The following GNL3L variants were observed in gnomAD, a reference collection of about 807,000 sequenced individuals.
The protein encoded by GNL3L is G protein nucleolar 3 like.
Under a neutral mutation model 42.9 loss-of-function variants are expected in GNL3L, and 4 were observed. The ratio of observed to expected loss-of-function variants is 0.09; its 90% CI spans 0.05 to 0.21. The LOEUF (loss-of-function observed/expected upper bound fraction) is 0.21. GNL3L is among the 10% of genes least tolerant of loss of function. The pLI, the probability that GNL3L is intolerant of heterozygous loss-of-function variation, is 1.00. For synonymous variants in GNL3L, 159 were observed against 176.3 expected, an observed-to-expected ratio of 0.90 and a Z score of 0.78; for missense variants, 412 against 481.7, an observed-to-expected ratio of 0.86 and a Z score of 1.36.
At chrX:54,582,763 A>G (rs1423683311) in intron 16 of GNL3L, among the ~76,000 whole-genome samples, 1 of 111,239 alleles carries the variant, frequency 9.0e-6, no homozygotes, top group Non-Finnish European at 1.9e-5. Context: ...TCGTATTTTT[A>G]GTAGAGATGG....
At chrX:54,622,328 A>G (rs1378320174), downstream of GNL3L, among the ~76,000 whole-genome samples, 1 of 79,274 alleles carries the variant, frequency 1.3e-5, no homozygotes, top group African/African-American at 5.4e-5. Context: ...TCCGTCGCCC[A>G]GGCTGGAGGG....
chrX:54,637,963 T>C, the GNL3L span, among the ~76,000 whole-genome samples: 1 of 111,359 alleles, frequency 9.0e-6, no homozygotes, highest in East Asian at 2.8e-4. Context: ...TGGGGGTTCA[T>C]TTACTCTTCT....
Position 54,564,050 on chromosome X carries a change from G to C in GNL3L, c.*3448G>C, listed in dbSNP as rs909889774. The stretch of plus-strand genomic sequence containing the variant: ...CCCCTAAAACTCTCCAGGCCCTTTT[G>C]TAGTCAACTCCTACCCCCGACCCTC... On this transcript the variant is annotated 3_prime_UTR_variant, in exon 16 of 16. Transcript: ENST00000360845. Among the ~76,000 whole-genome samples, 1 of 109,363 alleles carries C rather than the reference G, an allele frequency of 9.1e-6. No individual in the cohort carries two copies. The highest frequency in any genetic ancestry group is 1.9e-5 in the Non-Finnish European group (1 of 52,683). 95.0% of individuals were successfully genotyped at this position (109,363 alleles called of 115,157 possible). A position where few individuals can be genotyped will look rare whatever the true frequency, so the allele number is the denominator to read the frequency against.
At chrX:54,640,953 T>A in the GNL3L span, among the ~76,000 whole-genome samples, 21 of 111,631 alleles carry the variant, frequency 1.9e-4, no homozygotes, top group Non-Finnish European at 1.1e-4. Context: ...GCAGCTCAGG[T>A]TTCAAGCTTG....
In GNL3L at chrX:54,532,505, C is replaced by T; in HGVS notation, c.-47-15C>T. On this transcript the variant is annotated splice_polypyrimidine_tract_variant and intron_variant, in intron 1 of 15. Transcript: ENST00000360845. ...CCCAGCTGTCTTCAAATTGCTTCTTCTCCCATTCTGACAGGAAGAGAGCAA... is the reference window on the plus strand; with the variant it reads ...CCCAGCTGTCTTCAAATTGCTTCTTTTCCCATTCTGACAGGAAGAGAGCAA... 1.0e-6 allele frequency: 1 copy of T among 977,134 alleles called. No individual in the cohort carries two copies. The highest frequency in any genetic ancestry group is 1.5e-6 in the Non-Finnish European group (1 of 683,397). The allele number at this position is 977,134 out of a possible 1,213,427, so 80.5% of individuals were successfully genotyped here.
At chrX:54,608,536 C>T (rs1218198742) in intron 16 of GNL3L, among the ~76,000 whole-genome samples, 1 of 107,868 alleles carries the variant, frequency 9.3e-6, no homozygotes, top group African/African-American at 3.4e-5. Context: ...CCCCAAAGTC[C>T]ATCGTATCAT....
At chrX:54,543,133 T>C in intron 6 of GNL3L, 74 bp from the exon 7 acceptor site, 1 of 1,140,785 alleles carries the variant, frequency 8.8e-7, no homozygotes, top group Non-Finnish European at 1.2e-6. Context: ...AGATGGAGAT[T>C]TTTGTTTCAC....
intron 16 of GNL3L, among the ~76,000 whole-genome samples, chrX:54,603,997 T>G (rs1204608758): frequency 9.0e-6 from 1 of 110,778 alleles, no homozygotes; most frequent in African/African-American, 3.3e-5. Context: ...ATTAGCCAAG[T>G]GTGGTGGCAC....
At chrX:54,604,007 C>T (rs1261454577) in intron 16 of GNL3L, among the ~76,000 whole-genome samples, 1 of 110,959 alleles carries the variant, frequency 9.0e-6, no homozygotes, top group Middle Eastern at 4.2e-3. Context: ...TGTGGTGGCA[C>T]ATGCCTGTAG....
chrX:54,554,343 T>C (rs924966123), intron 13 of GNL3L, among the ~76,000 whole-genome samples: 1 of 111,668 alleles, frequency 9.0e-6, no homozygotes, highest in African/African-American at 3.3e-5. Flanking sequence ...ATTTTCCACA[T>C]GAGGAAGCTG....
chrX:54,552,848 C>A (rs1924987712), intron 13 of GNL3L, among the ~76,000 whole-genome samples: 1 of 111,896 alleles, frequency 8.9e-6, no homozygotes, highest in South Asian at 3.7e-4. Flanking sequence ...GTACCCAAGT[C>A]ACAGAAAGCT....
chrX:54,639,449 G>A, the GNL3L span, among the ~76,000 whole-genome samples: 1 of 112,292 alleles, frequency 8.9e-6, no homozygotes, highest in Non-Finnish European at 1.9e-5. Context: ...AGCGCAGCTG[G>A]GTTATCTTGG....
At chrX:54,597,958 T>C (rs1925955143) in intron 16 of GNL3L, among the ~76,000 whole-genome samples, 1 of 110,915 alleles carries the variant, frequency 9.0e-6, no homozygotes, top group African/African-American at 3.3e-5. Flanking sequence ...CAGGACTGTT[T>C]TTGCTACCTT....
At chrX:54,590,770 T>A (rs1231295163) in intron 16 of GNL3L, among the ~76,000 whole-genome samples, 1 of 111,408 alleles carries the variant, frequency 9.0e-6, no homozygotes, top group African/African-American at 3.3e-5. Flanking sequence ...TATGTATTTA[T>A]TTATTTATTT....
In GNL3L at chrX:54,558,615, A is replaced by G; in HGVS notation, c.1626A>G (p.Ala542=). The change falls in exon 15 of 16, where the codon GCA becomes GCG. Residue 542 remains alanine, a synonymous_variant. Transcript: ENST00000360845. ...CCCTGCAACAGGGCCAGGCTCTGGC[A>G]TCTGCCCTGAAAAATAAGAAGAAGA... ...TDPLQQGQAL[A]SALKNKKKMQ... is the part of the protein sequence containing the mutation. 8.3e-7 allele frequency: 1 copy of G among 1,208,848 alleles called. No homozygotes were observed. The highest frequency in any genetic ancestry group is 1.1e-6 in the Non-Finnish European group (1 of 893,598).
downstream of GNL3L, among the ~76,000 whole-genome samples, chrX:54,570,967 A>G (rs373823194): frequency 2.4e-3 from 267 of 111,156 alleles, 6 homozygotes; most frequent in South Asian, 0.051. Context: ...ATAAGGTAGC[A>G]TTTTCTTTCT....
chrX:54,607,013 T>TTTCTTTCC (rs1569542577), intron 16 of GNL3L, among the ~76,000 whole-genome samples: 795 of 43,316 alleles, frequency 0.018, 62 homozygotes, highest in African/African-American at 0.16. Context: ...TCTTTCTTTC[T>TTTCTTTCC]TTCTTTCTTT....
At chrX:54,559,478 C>G (rs954585516) in intron 15 of GNL3L, among the ~76,000 whole-genome samples, 1 of 111,757 alleles carries the variant, frequency 8.9e-6, no homozygotes, top group African/African-American at 3.3e-5. Context: ...ATTCTTTGTT[C>G]TCTTTTTCCA....
the GNL3L span, among the ~76,000 whole-genome samples, chrX:54,628,332 A>G: frequency 9.1e-6 from 1 of 109,637 alleles, no homozygotes; most frequent in African/African-American, 3.3e-5. Flanking sequence ...TGATATAAAC[A>G]TGCATGTGCA....
Sources: gnomAD v4.1 joint callset for allele counts (sites outside exome capture counted in the v4.1 genomes callset) on GRCh38, gnomAD v4.1.1 for gene constraint, MANE v1.5 for transcripts, NCBI Gene and HGNC (gene_info 2026-07-23, HGNC 2026-07-21) for gene names.